KCNJ16: variants seen among roughly 807,000 people sequenced by gnomAD.
KCNJ16 encodes the protein potassium inwardly rectifying channel subfamily J member 16.
Under a neutral mutation model 18.5 loss-of-function variants are expected in KCNJ16, and 15 were observed. The ratio of observed to expected loss-of-function variants is 0.81; its 90% confidence interval spans 0.54 to 1.25. The LOEUF is 1.25. Among genes scored for constraint, KCNJ16 ranks in the 50% most tolerant of loss-of-function variants. The pLI is 0.00. For missense variants in KCNJ16, 523 were observed against 525.7 expected, an observed-to-expected ratio of 0.99 and a Z score of 0.05; for synonymous variants, 174 against 186.5, an observed-to-expected ratio of 0.93 and a Z score of 0.55.
chr17:70,076,707 T>A (rs2071327793), intron 1 of KCNJ16, among the ~76,000 whole-genome samples: 1 of 152,178 alleles, frequency 6.6e-6, no homozygotes, highest in Non-Finnish European at 1.5e-5. Flanking sequence ...AAAATATATG[T>A]TTCTTCTATT....
At chr17:70,131,969 G>C (rs1406436930) in intron 3 of KCNJ16, 26 bp from the exon 4 acceptor site, 1 of 1,531,942 alleles carries the variant, frequency 6.5e-7, no homozygotes, top group Admixed American at 2.0e-5. Context: ...GCTAAAAAGT[G>C]TGTTTTTGTT....
At chr17:70,084,395 G>A (rs9910249) in intron 1 of KCNJ16, among the ~76,000 whole-genome samples, 5 of 152,280 alleles carry the variant, frequency 3.3e-5, no homozygotes, top group Middle Eastern at 3.4e-3. Context: ...CACCTGATGC[G>A]TGTTATGATA....
At chr17:70,088,818 T>C (rs781426847) in intron 1 of KCNJ16, among the ~76,000 whole-genome samples, 5 of 152,176 alleles carry the variant, frequency 3.3e-5, no homozygotes, top group South Asian at 2.1e-4. Flanking sequence ...CTGACCATTA[T>C]ACCACAATAG....
intron 2 of KCNJ16, among the ~76,000 whole-genome samples, chr17:70,122,544 C>A (rs1218767138): frequency 1.3e-5 from 2 of 152,070 alleles, no homozygotes; most frequent in African/African-American, 4.8e-5. Context: ...ATTGTTCAAG[C>A]AACAGAAATT....
chr17:70,133,200 A>T lies in KCNJ16; in HGVS notation c.1113A>T (p.Arg371=). The part of the protein sequence containing the change: ...ESCTSDTKAR[R]RSFSAVAIVS... ...GCACGTCGGACACCAAGGCGAGACG[A>T]AGGTCATTTAGTGCAGTTGCCATTG... The change falls in exon 4 of 4, where the codon CGA becomes CGT. Residue 371 remains arginine, a synonymous_variant. Coordinates refer to ENST00000392671, the MANE Select transcript of KCNJ16 (RefSeq NM_170741.4). The T allele has an allele frequency of 6.2e-7, 1 of 1,614,208 alleles. No individual in the cohort carries two copies. The highest frequency in any genetic ancestry group is 8.5e-7 in the Non-Finnish European group (1 of 1,180,032).
At chr17:70,131,705 T>C (rs1287335362) in intron 3 of KCNJ16, among the ~76,000 whole-genome samples, 1 of 152,020 alleles carries the variant, frequency 6.6e-6, no homozygotes, top group East Asian at 1.9e-4. Flanking sequence ...TAAAGCAGAT[T>C]TTTTTTTATA....
chr17:70,131,584 C>A, intron 3 of KCNJ16: 1 of 581,412 alleles, frequency 1.7e-6, no homozygotes, highest in Non-Finnish European at 2.2e-6. Flanking sequence ...CTGATTTAAA[C>A]AGTTAGGAAG....
At chr17:70,118,406 C>T (rs568382780) in intron 2 of KCNJ16, among the ~76,000 whole-genome samples, 1 of 151,310 alleles carries the variant, frequency 6.6e-6, no homozygotes, top group East Asian at 1.9e-4. Context: ...CTTAATGTAT[C>T]ATTTAAAAAA....
chr17:70,096,845 C>A, intron 1 of KCNJ16: 2 of 397,566 alleles, frequency 5.0e-6, no homozygotes, highest in South Asian at 2.6e-4. Flanking sequence ...GTAACTTGGT[C>A]AGGGTTTTTG....
intron 1 of KCNJ16, among the ~76,000 whole-genome samples, chr17:70,093,535 G>T (rs969959876): frequency 2.0e-5 from 3 of 152,084 alleles, no homozygotes; most frequent in Admixed American, 1.3e-4. Flanking sequence ...TCCAAATCAG[G>T]TCTCATTTGC....
At chr17:70,130,853 C>A (rs1476653667) in intron 2 of KCNJ16, 26 bp from the exon 3 acceptor site, 2 of 1,011,810 alleles carry the variant, frequency 2.0e-6, no homozygotes, top group South Asian at 1.4e-5. Context: ...GGCTACAATA[C>A]TTTTATTTTT....
At chr17:70,089,774 G>A (rs949252172) in intron 1 of KCNJ16, among the ~76,000 whole-genome samples, 11 of 152,124 alleles carry the variant, frequency 7.2e-5, no homozygotes, top group Non-Finnish European at 1.3e-4. Context: ...AAGATTAAAA[G>A]TTAGTTACTC....
Position 70,133,429 on chromosome 17 carries a change from G to A in KCNJ16, c.*85G>A. ...CGTTGTAAACGTGGCTTTTTTGAAA[G>A]TGTTATGGCTATGTTTTATGATGAT... On this transcript the variant is annotated 3_prime_UTR_variant, in exon 4 of 4. Coordinates refer to ENST00000392671, the MANE Select transcript of KCNJ16 (RefSeq NM_170741.4). 9.0e-7 allele frequency: 1 copy of A among 1,107,016 alleles called. No individual in the cohort carries two copies. The highest frequency in any genetic ancestry group is 2.1e-4 in the Middle Eastern group (1 of 4,848). 68.6% of individuals were successfully genotyped at this position (1,107,016 alleles called of 1,614,324 possible). A position where few individuals can be genotyped will look rare whatever the true frequency, so the allele number is the denominator to read the frequency against.
At chr17:70,131,084 G>A (rs772375234) in intron 3 of KCNJ16, 109 bp downstream of exon 3, 38 of 1,171,266 alleles carry the variant, frequency 3.2e-5, no homozygotes, top group African/African-American at 6.1e-5. Flanking sequence ...CTGAAAAGCC[G>A]GAGAGAAGGG....
At chr17:70,094,875 C>A (rs2072282327) in intron 1 of KCNJ16, among the ~76,000 whole-genome samples, 1 of 152,180 alleles carries the variant, frequency 6.6e-6, no homozygotes, top group East Asian at 1.9e-4. Context: ...TCCTATCTTG[C>A]AAGGCCGTAG....
chr17:70,090,087 T>C lies in KCNJ16; in HGVS notation c.-299-10571T>C, dbSNP rs558144760. On this transcript the variant is annotated intron_variant, in intron 1 of 3. Coordinates refer to ENST00000392671, the MANE Select transcript of KCNJ16 (RefSeq NM_170741.4). ...CACCCCAGATTTAATCACTTACTTA[T>C]CTTCCTGCCAAAGTAATTGTGCTGG... Among the ~76,000 whole-genome samples the C allele has an allele frequency of 2.0e-5, 3 of 152,348 alleles. No homozygotes were observed. In the South Asian group the frequency reaches 6.2e-4, roughly 32 times the overall value.
At chr17:70,087,326 T>G (rs2071850180) in intron 1 of KCNJ16, among the ~76,000 whole-genome samples, 1 of 152,134 alleles carries the variant, frequency 6.6e-6, no homozygotes, top group Admixed American at 6.5e-5. Flanking sequence ...ATTCCAGGGT[T>G]TCAATTCTGG....
chr17:70,083,326 TAGAC>T (rs1161266186), intron 1 of KCNJ16, among the ~76,000 whole-genome samples: 1 of 145,280 alleles, frequency 6.9e-6, no homozygotes, highest in Non-Finnish European at 1.5e-5. Flanking sequence ...ATATACTATA[TAGAC>T]AGTTATGATC....
intron 2 of KCNJ16, among the ~76,000 whole-genome samples, chr17:70,115,339 A>G (rs1214857978): frequency 1.3e-5 from 2 of 152,094 alleles, no homozygotes; most frequent in African/African-American, 4.8e-5. Flanking sequence ...GCTTGAGGTT[A>G]TGCCTAAATA....
Sources: allele counts gnomAD v4.1 joint callset (sites outside exome capture counted in the v4.1 genomes callset), GRCh38; gene constraint gnomAD v4.1.1; transcripts MANE v1.5; gene names NCBI Gene and HGNC (gene_info 2026-07-23, HGNC 2026-07-21).